The following DAB1 variants were observed in gnomAD, a reference collection of about 807,000 sequenced individuals.
DAB1 encodes the protein DAB adaptor protein 1, also known as disabled homolog 1.
DAB1 carries 15 observed loss-of-function variants against 64.6 expected under a neutral mutation model. That is an observed-to-expected ratio of 0.23 (90% CI 0.16 to 0.36). The LOEUF (loss-of-function observed/expected upper bound fraction) is 0.36, where lower values mean the gene tolerates loss of function less well. Among genes scored for constraint, DAB1 ranks in the 10% least tolerant of loss-of-function variants. The pLI, the probability that DAB1 is intolerant of heterozygous loss-of-function variation, is 1.00. For missense variants in DAB1, 596 were observed against 706.7 expected (o/e 0.84, Z 1.78); for synonymous variants, 235 against 251.9 (o/e 0.93, Z 0.64).
intron 3 of DAB1, among the ~76,000 whole-genome samples, chr1:57,142,509 G>A (rs1658697462): frequency 6.6e-6 from 1 of 151,924 alleles, no homozygotes; most frequent in Non-Finnish European, 1.5e-5. Context: ...CAGTGCATCT[G>A]ACAGGAGTAT....
At chr1:58,496,634 C>T (rs1645807554) in intron 3 of DAB1, among the ~76,000 whole-genome samples, 2 of 152,140 alleles carry the variant, frequency 1.3e-5, no homozygotes, top group African/African-American at 4.8e-5. Flanking sequence ...GGCACTTAGA[C>T]ATTCAATAAT....
intron 1 of DAB1, among the ~76,000 whole-genome samples, chr1:57,392,348 G>T (rs1682449059): frequency 6.6e-6 from 1 of 152,116 alleles, no homozygotes; most frequent in Non-Finnish European, 1.5e-5. Context: ...CTTCAGCCTG[G>T]GTGACAGAGC....
intron 6 of DAB1, among the ~76,000 whole-genome samples, chr1:57,804,355 A>AG (rs1651265966): frequency 6.6e-6 from 1 of 152,140 alleles, no homozygotes; most frequent in African/African-American, 2.4e-5. Flanking sequence ...GGGAACCACA[A>AG]GGGGTGACTT....
At chr1:57,962,677 G>T (rs914917751) in intron 5 of DAB1, among the ~76,000 whole-genome samples, 1 of 151,984 alleles carries the variant, frequency 6.6e-6, no homozygotes, top group Non-Finnish European at 1.5e-5. Context: ...TTCAAGACCG[G>T]CCTGGATAAC....
At chr1:58,210,863 C>T (rs1287553117) in intron 4 of DAB1, among the ~76,000 whole-genome samples, 1 of 152,100 alleles carries the variant, frequency 6.6e-6, no homozygotes, top group East Asian at 1.9e-4. Context: ...GGGAAATGTG[C>T]TATGAGGGGC....
At chr1:57,326,788 T>C (rs1197352584) in intron 1 of DAB1, among the ~76,000 whole-genome samples, 2 of 152,082 alleles carry the variant, frequency 1.3e-5, no homozygotes, top group Non-Finnish European at 2.9e-5. Context: ...GAGAGTACCA[T>C]CCTCAGACCT....
chr1:57,942,073 C>A (rs1156826026), intron 5 of DAB1, among the ~76,000 whole-genome samples: 1 of 152,074 alleles, frequency 6.6e-6, no homozygotes, highest in South Asian at 2.1e-4. Context: ...AGATGTTTCC[C>A]AAAAGCTCAA....
intron 1 of DAB1, among the ~76,000 whole-genome samples, chr1:57,865,842 C>T (rs1654275826): frequency 6.6e-6 from 1 of 152,180 alleles, no homozygotes; most frequent in Admixed American, 6.5e-5. Flanking sequence ...GCTGCTACAA[C>T]AAAATGCCAT....
At chr1:57,716,852 C>T (rs1323142684) in intron 6 of DAB1, among the ~76,000 whole-genome samples, 4 of 152,166 alleles carry the variant, frequency 2.6e-5, no homozygotes, top group African/African-American at 7.2e-5. Flanking sequence ...GGGGTTAATA[C>T]GTAGAATTTA....
At chr1:57,828,595 C>A (rs1652456969) in intron 1 of DAB1, among the ~76,000 whole-genome samples, 1 of 152,100 alleles carries the variant, frequency 6.6e-6, no homozygotes, top group Non-Finnish European at 1.5e-5. Flanking sequence ...ATGGATGCAG[C>A]CATGTATGCA....
intron 4 of DAB1, among the ~76,000 whole-genome samples, chr1:58,199,652 A>G (rs894115475): frequency 2.6e-5 from 4 of 152,220 alleles, no homozygotes; most frequent in Admixed American, 2.0e-4. Context: ...AATTATATTT[A>G]AAAGAAAATA....
At chr1:57,463,637 A>G (rs1686861194) in intron 7 of DAB1, among the ~76,000 whole-genome samples, 5 of 151,876 alleles carry the variant, frequency 3.3e-5, no homozygotes, top group Admixed American at 3.3e-4. Flanking sequence ...TTAAAGAGCG[A>G]CTCTTCTTTG....
At chr1:58,253,874 C>A (rs1473017031) in intron 4 of DAB1, among the ~76,000 whole-genome samples, 1 of 152,220 alleles carries the variant, frequency 6.6e-6, no homozygotes, top group Non-Finnish European at 1.5e-5. Flanking sequence ...AGGACCTGAG[C>A]TTCTGTTTTT....
At chr1:57,656,762 T>C (rs1646323883) in intron 6 of DAB1, among the ~76,000 whole-genome samples, 3 of 152,230 alleles carry the variant, frequency 2.0e-5, no homozygotes, top group Non-Finnish European at 4.4e-5. Flanking sequence ...AGTTTTTACA[T>C]CTTTGTTGGT....
upstream of DAB1, among the ~76,000 whole-genome samples, chr1:57,887,736 A>G (rs530593295): frequency 6.6e-6 from 1 of 152,320 alleles, no homozygotes; most frequent in African/African-American, 2.4e-5. Flanking sequence ...ACTCATAAGG[A>G]GAGGGGCAAG....
In DAB1 at chr1:58,355,901, G is replaced by T. The variant is rs965763390; in HGVS notation, n.258-12498C>A. Among the ~76,000 whole-genome samples the T allele has an allele frequency of 3.9e-5, 6 of 152,236 alleles. No homozygotes were observed. In the South Asian group the frequency reaches 1.2e-3, roughly 32 times the overall value. On this transcript the variant is annotated intron_variant and non_coding_transcript_variant, in intron 3 of 20. Coordinates refer to the DAB1 transcript ENST00000485760. ...GTCTGATCAGCTGTATTAATAGACA[G>T]CACACCTGAAAAAAGCTACCAATCC...
intron 9 of DAB1, among the ~76,000 whole-genome samples, chr1:57,052,253 C>T (rs923906078): frequency 6.6e-6 from 1 of 152,096 alleles, no homozygotes; most frequent in Non-Finnish European, 1.5e-5. Flanking sequence ...ATTCTTAGTA[C>T]ATATGGTTAG....
At chr1:58,426,577 A>G (rs1320416207) in intron 3 of DAB1, among the ~76,000 whole-genome samples, 1 of 152,176 alleles carries the variant, frequency 6.6e-6, no homozygotes, top group Non-Finnish European at 1.5e-5. Flanking sequence ...ACAATCCAGA[A>G]AGGGCTACTG....
At chr1:58,039,897 A>G (rs961749762) in intron 5 of DAB1, among the ~76,000 whole-genome samples, 4 of 152,256 alleles carry the variant, frequency 2.6e-5, no homozygotes, top group African/African-American at 7.2e-5. Context: ...GAAGATTTTA[A>G]TAACTATTAG....
Sources: gnomAD v4.1 joint callset for allele counts (sites outside exome capture counted in the v4.1 genomes callset) on GRCh38, gnomAD v4.1.1 for gene constraint, MANE v1.5 for transcripts, NCBI Gene and HGNC (gene_info 2026-07-23, HGNC 2026-07-21) for gene names.